Variants in SRFBP1 observed in about 807,000 individuals in gnomAD.
The protein encoded by SRFBP1 is serum response factor binding protein 1.
Under a neutral mutation model 45.5 loss-of-function variants are expected in SRFBP1, and 47 were observed. The ratio of observed to expected loss-of-function variants is 1.03; its 90% CI spans 0.82 to 1.32. The LOEUF is 1.32. SRFBP1 is among the 40% of genes most tolerant of loss of function. SRFBP1 has a pLI of 0.00. For synonymous variants in SRFBP1, 203 were observed against 166.3 expected (o/e 1.22, Z -1.70); for missense variants, 621 against 484.6 (o/e 1.28, Z -2.64).
At chr5:121,990,466 TG>T (rs1370800821) in intron 3 of SRFBP1, among the ~76,000 whole-genome samples, 5 of 152,264 alleles carry the variant, frequency 3.3e-5, no homozygotes, top group East Asian at 1.9e-4. Flanking sequence ...AAAATTCCAA[TG>T]GGGTACTATC....
downstream of SRFBP1, chr5:122,077,256 C>G (rs1754665284): frequency 6.4e-7 from 1 of 1,552,670 alleles, no homozygotes; most frequent in African/African-American, 1.4e-5. This position sits in a 1 kb window ranked among gnomAD's most constrained non-coding sequence, Gnocchi z 4.9. Flanking sequence ...ATCGGATCTG[C>G]GAGGACCGGG....
Position 122,071,219 on chromosome 5 carries a change from G to GTGTA in SRFBP1, n.312-4095_312-4094insGTAT, listed in dbSNP as rs1554060862. Reference sequence around the variant, plus strand: ...TGTGTGTGTGTGTGTGTGTGTGTGTGTATAAAAATTCAATTTTCACAACTA... The same window carrying GTGTA: ...TGTGTGTGTGTGTGTGTGTGTGTGTGTGTATATAAAAATTCAATTTTCACAACTA... On this transcript the variant is annotated intron_variant and non_coding_transcript_variant, in intron 2 of 2. Transcript: ENST00000504881. 2.4e-4 allele frequency among the ~76,000 whole-genome samples: 34 copies of GTGTA among 144,184 alleles called. 1 individual carries two copies. The South Asian group carries it at 6.1e-3, about 26-fold the overall frequency. 94.6% of individuals were successfully genotyped at this position (144,184 alleles called of 152,430 possible).
intron 3 of SRFBP1, among the ~76,000 whole-genome samples, chr5:121,987,998 G>A (rs1752549871): frequency 1.3e-5 from 2 of 152,194 alleles, no homozygotes; most frequent in Admixed American, 6.5e-5. Flanking sequence ...CCAAAATTGG[G>A]ATTACCTAAT....
chr5:122,075,501 C>A (rs556521876), exon 3 of SRFBP1: 1 of 1,612,606 alleles, frequency 6.2e-7, no homozygotes, highest in Non-Finnish European at 8.5e-7. Context: ...CTGAGCAGCA[C>A]CCTGTGATCA....
At chr5:122,049,342 T>A (rs1198434033) in intron 2 of SRFBP1, among the ~76,000 whole-genome samples, 1 of 152,142 alleles carries the variant, frequency 6.6e-6, no homozygotes, top group Non-Finnish European at 1.5e-5. Flanking sequence ...TAAATATGTA[T>A]GCACCCAATA....
chr5:122,000,089 AT>A (rs1441908750), intron 4 of SRFBP1, among the ~76,000 whole-genome samples: 4 of 151,936 alleles, frequency 2.6e-5, no homozygotes, highest in African/African-American at 7.2e-5. Context: ...ACATGTACAT[AT>A]TTTATTATTG....
At chr5:122,012,119 C>T (rs1753108396) in intron 4 of SRFBP1, among the ~76,000 whole-genome samples, 1 of 152,010 alleles carries the variant, frequency 6.6e-6, no homozygotes, top group Admixed American at 6.6e-5. Flanking sequence ...TCCTAATTGG[C>T]TAGGTAATCT....
At chr5:122,066,833 T>C in intron 2 of SRFBP1, 1 of 847,840 alleles carries the variant, frequency 1.2e-6, no homozygotes, top group Non-Finnish European at 2.0e-6. Flanking sequence ...AAGTCAACCT[T>C]TTAAAAACTT....
chr5:121,965,148 A>G (rs1275107128), intron 1 of SRFBP1, among the ~76,000 whole-genome samples: 1 of 151,960 alleles, frequency 6.6e-6, no homozygotes, highest in Non-Finnish European at 1.5e-5. Flanking sequence ...TTGCATGTTC[A>G]CTCTGATGAT....
At chr5:122,040,182 A>G (rs1344825458) in intron 2 of SRFBP1, among the ~76,000 whole-genome samples, 1 of 151,948 alleles carries the variant, frequency 6.6e-6, no homozygotes, top group African/African-American at 2.4e-5. Flanking sequence ...GTAACCTGGG[A>G]AGTATTTGTA....
At chr5:121,994,798 T>A in intron 4 of SRFBP1, 128 bp downstream of exon 4, 1 of 578,260 alleles carries the variant, frequency 1.7e-6, no homozygotes, top group Non-Finnish European at 2.9e-6. Flanking sequence ...CTAACTGAAC[T>A]CCATTACTGC....
At chr5:122,025,200 G>A (rs1343491254) in intron 7 of SRFBP1, among the ~76,000 whole-genome samples, 5 of 152,044 alleles carry the variant, frequency 3.3e-5, no homozygotes, top group Admixed American at 3.3e-4. Flanking sequence ...CTATGAGTGA[G>A]GACATGCGGT....
chr5:121,994,735 C>A, intron 4 of SRFBP1, 65 bp downstream of exon 4: 2 of 1,098,354 alleles, frequency 1.8e-6, no homozygotes, highest in Admixed American at 2.7e-5. Flanking sequence ...TTACTTTTTT[C>A]TTGAAGAGAA....
At chr5:122,035,985 A>G (rs1292606637) in intron 2 of SRFBP1, among the ~76,000 whole-genome samples, 1 of 152,238 alleles carries the variant, frequency 6.6e-6, no homozygotes, top group African/African-American at 2.4e-5. Context: ...ATCTACAGGT[A>G]TCAAACAAAC....
intron 1 of SRFBP1, among the ~76,000 whole-genome samples, chr5:121,964,713 TG>T (rs1290407253): frequency 2.0e-5 from 3 of 152,168 alleles, no homozygotes; most frequent in Non-Finnish European, 2.9e-5. Context: ...TAGCCAATAA[TG>T]GGATTGCTGG....
At position 122,027,197 on chromosome 5, in the gene SRFBP1, G is replaced by A; in HGVS notation, c.*71G>A. 7.7e-7 allele frequency: 1 copy of A among 1,293,870 alleles called. No individual in the cohort carries two copies. The highest frequency in any genetic ancestry group is 1.1e-6 in the Non-Finnish European group (1 of 937,166). 80.1% of individuals were successfully genotyped at this position (1,293,870 alleles called of 1,614,324 possible). ...TTTTTTTAAGACAGGATCTCATTCT[G>A]TTGCCCAGACTAGAGTACAATATTG... is the stretch of plus-strand genomic sequence containing the variant. On this transcript the variant is annotated 3_prime_UTR_variant, in exon 8 of 8. Transcript: ENST00000339397.
At chr5:122,003,133 C>T (rs565691252) in intron 4 of SRFBP1, among the ~76,000 whole-genome samples, 10 of 152,000 alleles carry the variant, frequency 6.6e-5, no homozygotes, top group East Asian at 1.9e-4. Flanking sequence ...ACTTGAGCCC[C>T]GGAGTTCAAG....
In SRFBP1 at chr5:122,020,547, A is replaced by G; in HGVS notation, c.812A>G (p.Lys271Arg). ...GATAGCACAGAAGAAAGGTTTTACAAGCAGTCTTCCATGTCTGAAGATAGT... is the reference window on the plus strand; with the variant it reads ...GATAGCACAGAAGAAAGGTTTTACAGGCAGTCTTCCATGTCTGAAGATAGT... ...FDDSTEERFY[K>R]QSSMSEDSDS... is the part of the protein sequence containing the mutation. The change falls in exon 6 of 8, where the codon AAG (lysine) becomes AGG (arginine). Residue 271 changes from lysine (K) to arginine (R), a missense_variant. Physicochemically the swap from Lys to Arg is conservative, Grantham distance 26. Coordinates refer to ENST00000339397, the MANE Select transcript of SRFBP1 (RefSeq NM_152546.3). The G allele has an allele frequency of 6.2e-7, 1 of 1,614,202 alleles. No individual in the cohort carries two copies.
downstream of SRFBP1, chr5:122,075,595 C>A (rs201854252): frequency 9.9e-6 from 12 of 1,207,190 alleles, no homozygotes; most frequent in South Asian, 1.9e-4. Flanking sequence ...TAACTAAAGA[C>A]AAAACTACAA....
Sources: allele counts gnomAD v4.1 joint callset (sites outside exome capture counted in the v4.1 genomes callset), GRCh38; gene constraint gnomAD v4.1.1; non-coding constraint Gnocchi (gnomAD v3.1); transcripts MANE v1.5; gene names NCBI Gene and HGNC (gene_info 2026-07-23, HGNC 2026-07-21).